PEAK1: variants seen among roughly 807,000 people sequenced by gnomAD.
The protein encoded by PEAK1 is pseudopodium enriched atypical kinase 1.
Under a neutral mutation model 124.7 loss-of-function variants are expected in PEAK1, and 54 were observed. The observed-to-expected ratio is 0.43, with a 90% CI of 0.35 to 0.54. The LOEUF (loss-of-function observed/expected upper bound fraction) is 0.54. PEAK1 is among the 20% of genes least tolerant of loss of function. The probability of loss-of-function intolerance (pLI) is 0.01; values close to 1 mark genes in which losing one functional copy is unlikely to be tolerated. For synonymous variants in PEAK1, 719 were observed against 760.0 expected, an observed-to-expected ratio of 0.95 and a Z score of 0.89; for missense variants, 2,046 against 2,134.5, an observed-to-expected ratio of 0.96 and a Z score of 0.82.
intron 2 of PEAK1, among the ~76,000 whole-genome samples, chr15:77,342,553 G>A (rs529930752): frequency 5.9e-4 from 89 of 152,014 alleles, no homozygotes; most frequent in African/African-American, 1.1e-3. Context: ...CTACAGGCAG[G>A]AGCCACCATG....
In PEAK1 at chr15:77,114,599, A is replaced by G. The variant is rs1482221604; in HGVS notation, c.4798T>C (p.Tyr1600His). The change falls in exon 10 of 10, where the codon TAT (tyrosine) becomes CAT (histidine). Residue 1600 changes from tyrosine to histidine, a missense_variant. By Grantham distance (83) the Tyr-to-His change is moderately conservative (BLOSUM62 2). Transcript: ENST00000682557. ...CDEFQTGILIYEMLHLPNPFD... is the reference protein window; with the variant it reads ...CDEFQTGILIHEMLHLPNPFD... ...GGGTTGGGTAGGTGCAGCATCTCAT[A>G]GATGAGGATGCCTGTCTGGAACTCA... 1.9e-6 allele frequency: 3 copies of G among 1,614,000 alleles called. No individual in the cohort carries two copies. The highest frequency in any genetic ancestry group is 2.5e-6 in the Non-Finnish European group (3 of 1,180,000).
Position 77,391,476 on chromosome 15 carries a change from CAAAAAAAAAAAAAA to C in PEAK1, c.-665-26265_-665-26252del, listed in dbSNP as rs536286745. 1.0e-2 allele frequency among the ~76,000 whole-genome samples: 680 copies of C among 68,338 alleles called. 12 individuals carry two copies. The highest frequency in any genetic ancestry group is 0.035 in the African/African-American group (591 of 16,668). 44.8% of individuals were successfully genotyped at this position (68,338 alleles called of 152,430 possible). ...GTACTGGCACCAACCTAACTCATGG[CAAAAAAAAAAAAAA>C]AAAAAAAAAAAAAAAGAGATACCAG... On this transcript the variant is annotated intron_variant, in intron 1 of 9. Transcript: ENST00000682557.
intron 2 of PEAK1, among the ~76,000 whole-genome samples, chr15:77,319,195 A>G (rs1008489090): frequency 6.6e-5 from 10 of 152,148 alleles, no homozygotes; most frequent in African/African-American, 2.2e-4. Context: ...ATTCTGGTCT[A>G]TAACAGGTGA....
intron 1 of PEAK1, chr15:77,404,835 T>C (rs1224376883): frequency 1.3e-5 from 12 of 947,960 alleles, no homozygotes; most frequent in Non-Finnish European, 1.5e-5. Context: ...GAATGTAACT[T>C]AGCAATATGA....
intron 5 of PEAK1, among the ~76,000 whole-genome samples, chr15:77,258,271 T>C (rs1596943284): frequency 6.6e-6 from 1 of 152,170 alleles, no homozygotes; most frequent in South Asian, 2.1e-4. Flanking sequence ...AAGAAAGTCA[T>C]TGGTAGCTTG....
intron 5 of PEAK1, among the ~76,000 whole-genome samples, chr15:77,254,673 T>C (rs1438302630): frequency 1.3e-5 from 2 of 152,130 alleles, no homozygotes; most frequent in African/African-American, 4.8e-5. Context: ...GCTCAAGCTA[T>C]CTTCCCACCA....
rs374778778 is a variant in PEAK1, at chr15:77,371,553, A to G, written c.-665-6328T>C. On this transcript the variant is annotated intron_variant, in intron 1 of 9. Coordinates refer to ENST00000682557, the MANE Select transcript of PEAK1 (RefSeq NM_001385026.1). ...CCACCACCACCATCATCATCATGAC[A>G]TTTTTTTCTAAATACAGCTTGAGGA... 9.2e-5 allele frequency: 73 copies of G among 795,990 alleles called. No individual in the cohort carries two copies. In the East Asian group the frequency reaches 2.8e-3, roughly 31 times the overall value. The allele number at this position is 795,990 out of a possible 1,614,324, so 49.3% of individuals were successfully genotyped here. A position where few individuals can be genotyped will look rare whatever the true frequency, so the allele number is the denominator to read the frequency against.
At chr15:77,269,488 C>T (rs1450633094) in intron 5 of PEAK1, among the ~76,000 whole-genome samples, 3 of 152,088 alleles carry the variant, frequency 2.0e-5, no homozygotes, top group South Asian at 2.1e-4. Context: ...CATACATATG[C>T]ACCTAACACT....
intron 9 of PEAK1, among the ~76,000 whole-genome samples, chr15:77,122,388 A>C (rs531291798): frequency 1.3e-4 from 20 of 152,310 alleles, no homozygotes; most frequent in African/African-American, 4.8e-4. Flanking sequence ...TATCCAATGA[A>C]AATAACTTGT....
At chr15:77,407,952 C>T (rs62007273) in intron 1 of PEAK1, among the ~76,000 whole-genome samples, 14,885 of 89,590 alleles carry the variant, frequency 0.17, 811 homozygotes, top group Non-Finnish European at 0.22. Flanking sequence ...TACACATATA[C>T]ACACATATAT....
At chr15:77,310,257 A>G (rs987029841) in intron 2 of PEAK1, among the ~76,000 whole-genome samples, 2 of 152,174 alleles carry the variant, frequency 1.3e-5, no homozygotes, top group South Asian at 2.1e-4. Flanking sequence ...AAGTCATACA[A>G]AAGTTTGAAC....
intron 6 of PEAK1, among the ~76,000 whole-genome samples, chr15:77,216,224 C>T (rs372599883): frequency 1.3e-5 from 2 of 152,092 alleles, no homozygotes; most frequent in African/African-American, 2.4e-5. Flanking sequence ...CCCTTTGGAA[C>T]GTTTTGTATT....
At chr15:77,200,809 A>G (rs552212555) in intron 6 of PEAK1, among the ~76,000 whole-genome samples, 12 of 152,200 alleles carry the variant, frequency 7.9e-5, no homozygotes, top group African/African-American at 2.6e-4. Flanking sequence ...TTCATGTTTG[A>G]AAGATCTTCC....
chr15:77,138,413 T>C (rs1343128434), intron 8 of PEAK1, among the ~76,000 whole-genome samples: 5 of 152,216 alleles, frequency 3.3e-5, no homozygotes, highest in African/African-American at 1.2e-4. Context: ...ACTTAGGCTA[T>C]ACTAAATTTA....
chr15:77,118,837 G>C (rs1163239395), intron 9 of PEAK1, among the ~76,000 whole-genome samples: 1 of 152,112 alleles, frequency 6.6e-6, no homozygotes, highest in African/African-American at 2.4e-5. Flanking sequence ...TTTCTAATAG[G>C]GGAAAAATCA....
chr15:77,251,028 T>C (rs1381743737), intron 6 of PEAK1, among the ~76,000 whole-genome samples: 1 of 152,234 alleles, frequency 6.6e-6, no homozygotes, highest in Non-Finnish European at 1.5e-5. Flanking sequence ...TGACTTTTCA[T>C]ATCTCCTGCA....
At chr15:77,370,839 G>A (rs2068584835) in intron 1 of PEAK1, 2 of 649,564 alleles carry the variant, frequency 3.1e-6, no homozygotes, top group Non-Finnish European at 3.8e-6. Context: ...AGACCATCCT[G>A]GCCAAAATGG....
intron 2 of PEAK1, among the ~76,000 whole-genome samples, chr15:77,330,120 A>C (rs1017228283): frequency 1.3e-5 from 2 of 152,342 alleles, no homozygotes; most frequent in African/African-American, 2.4e-5. Flanking sequence ...TTTTAAAATA[A>C]TATAGAAATT....
intron 7 of PEAK1, 63 bp from the exon 8 acceptor site, chr15:77,158,759 T>G: frequency 6.6e-7 from 1 of 1,512,368 alleles, no homozygotes. Context: ...TTTAGATTTA[T>G]GGAAGGCATA....
Sources: allele counts gnomAD v4.1 joint callset (sites outside exome capture counted in the v4.1 genomes callset), GRCh38; gene constraint gnomAD v4.1.1; transcripts MANE v1.5; gene names NCBI Gene and HGNC (gene_info 2026-07-23, HGNC 2026-07-21).